The following SVIL variants were observed in gnomAD, a reference collection of about 807,000 sequenced individuals.
SVIL encodes the protein supervillin.
A neutral mutation model predicts 240.4 loss-of-function variants in SVIL; 101 were observed. The observed-to-expected ratio is 0.42, with a 90% CI of 0.36 to 0.50. The LOEUF (loss-of-function observed/expected upper bound fraction) is 0.50, where lower values mean the gene tolerates loss of function less well. Among genes scored for constraint, SVIL ranks in the 20% least tolerant of loss-of-function variants. SVIL has a pLI of 0.01. For synonymous variants in SVIL, 999 were observed against 1,100.0 expected, an observed-to-expected ratio of 0.91 and a Z score of 1.82; for missense variants, 2,512 against 2,818.7, an observed-to-expected ratio of 0.89 and a Z score of 2.46.
At chr10:29,546,759 C>T (rs1251746222) in intron 6 of SVIL, among the ~76,000 whole-genome samples, 3 of 152,018 alleles carry the variant, frequency 2.0e-5, no homozygotes, top group South Asian at 2.1e-4. Context: ...TCATCGTATT[C>T]GTATTTAAAT....
At position 29,583,648 on chromosome 10, in the gene SVIL, C is replaced by G. The variant is rs540849773; in HGVS notation, c.-200-14336G>C. 2.9e-3 allele frequency among the ~76,000 whole-genome samples: 445 copies of G among 152,312 alleles called. 3 individuals carry two copies. Among genetic ancestry groups the G allele is most frequent in the African/African-American group, 0.01 (416 of 41,576 alleles). On this transcript the variant is annotated intron_variant, in intron 1 of 37. Coordinates refer to ENST00000355867, the MANE Select transcript of SVIL (RefSeq NM_021738.3). Reference sequence around the variant, plus strand: ...CCCAAGACCTACCAGTCTTTCAGAACAGGTCCCCAGCCCCTTGCTGATTGA... The same window carrying G: ...CCCAAGACCTACCAGTCTTTCAGAAGAGGTCCCCAGCCCCTTGCTGATTGA...
intron 1 of SVIL, among the ~76,000 whole-genome samples, chr10:29,716,466 G>A (rs904857755): frequency 1.3e-5 from 2 of 152,180 alleles, no homozygotes; most frequent in African/African-American, 4.8e-5. Context: ...AGACAGGAGA[G>A]GAAGGTAAGC....
intron 33 of SVIL, 78 bp downstream of exon 33, chr10:29,467,664 G>C: frequency 6.4e-7 from 1 of 1,572,596 alleles, no homozygotes; most frequent in South Asian, 1.2e-5. Context: ...CTATACTCCA[G>C]CCTGGATAAC....
chr10:29,626,737 G>GA (rs1380340349), intron 1 of SVIL, among the ~76,000 whole-genome samples: 2 of 152,172 alleles, frequency 1.3e-5, no homozygotes, highest in Non-Finnish European at 2.9e-5. Context: ...CCAAAATAAA[G>GA]AATCAGGCTG....
intron 1 of SVIL, among the ~76,000 whole-genome samples, chr10:29,620,314 AAAAGAAAAG>A (rs975278563): frequency 2.6e-5 from 4 of 152,050 alleles, no homozygotes; most frequent in African/African-American, 9.7e-5. Context: ...AAAAGGAAGG[AAAAGAAAAG>A]AAAGAAAAGA....
chr10:29,701,348 C>CA (rs34211711), intron 1 of SVIL, among the ~76,000 whole-genome samples: 69,626 of 151,914 alleles, frequency 0.46, 16,452 homozygotes, highest in East Asian at 0.67. Context: ...GGCCAATACC[C>CA]AAAAAACTCT....
At chr10:29,530,740 A>C (rs965678135) in intron 10 of SVIL, 72 bp from the exon 11 acceptor site, 7 of 1,550,278 alleles carry the variant, frequency 4.5e-6, no homozygotes, top group Non-Finnish European at 6.2e-6. Flanking sequence ...AAAGTCTTTC[A>C]GGGCTGACCT....
intron 2 of SVIL, among the ~76,000 whole-genome samples, chr10:29,673,591 GAGA>G (rs1192649409): frequency 6.7e-6 from 1 of 148,426 alleles, no homozygotes; most frequent in East Asian, 2.1e-4. Context: ...GAGAGAGAGA[GAGA>G]GAGAGAGAGA....
At chr10:29,587,349 C>T (rs1956212980) in intron 1 of SVIL, among the ~76,000 whole-genome samples, 1 of 152,188 alleles carries the variant, frequency 6.6e-6, no homozygotes, top group Admixed American at 6.5e-5. Flanking sequence ...CAGCCAGTCC[C>T]CAGCCACCAG....
intron 17 of SVIL, among the ~76,000 whole-genome samples, chr10:29,501,321 G>A (rs1262548322): frequency 3.3e-5 from 5 of 151,358 alleles, no homozygotes; most frequent in Non-Finnish European, 7.4e-5. Flanking sequence ...GTGGTTATGC[G>A]AGGAAATATC....
intron 2 of SVIL, among the ~76,000 whole-genome samples, chr10:29,672,800 C>T (rs1438024473): frequency 2.6e-5 from 4 of 151,902 alleles, no homozygotes; most frequent in African/African-American, 9.7e-5. Context: ...ACTTATCTTT[C>T]TTTGCATCTA....
At chr10:29,722,574 A>G (rs1210180664) in intron 1 of SVIL, among the ~76,000 whole-genome samples, 1 of 152,226 alleles carries the variant, frequency 6.6e-6, no homozygotes, top group Non-Finnish European at 1.5e-5. Context: ...TTCAGCACCA[A>G]ACCGGCCTTT....
rs752144492 is a variant in SVIL, at chr10:29,526,868, TCAAA to T, written c.2342+89_2342+92del. On this transcript the variant is annotated intron_variant, in intron 13 of 37. Coordinates refer to ENST00000355867, the MANE Select transcript of SVIL (RefSeq NM_021738.3). Reference sequence around the variant, plus strand: ...ACAACTCACGGCATTGACTTGTTTGTCAAACAAACGACAGACATTCAAGACTTTA... The same window carrying T: ...ACAACTCACGGCATTGACTTGTTTGTCAAACGACAGACATTCAAGACTTTA... 2,799 of 1,091,908 alleles carry T rather than the reference TCAAA, an allele frequency of 2.6e-3. 5 individuals carry two copies. The highest frequency in any genetic ancestry group is 3.4e-3 in the Non-Finnish European group (2,657 of 791,998). The allele number at this position is 1,091,908 out of a possible 1,614,324, so 67.6% of individuals were successfully genotyped here. A position where few individuals can be genotyped will look rare whatever the true frequency, so the allele number is the denominator to read the frequency against.
chr10:29,585,776 C>T (rs1051082609), intron 1 of SVIL, among the ~76,000 whole-genome samples: 3 of 152,198 alleles, frequency 2.0e-5, no homozygotes, highest in African/African-American at 4.8e-5. Flanking sequence ...GAACTGAAGC[C>T]GGGGTCCGGA....
chr10:29,535,262 T>C (rs961248194), intron 7 of SVIL, among the ~76,000 whole-genome samples: 10 of 67,026 alleles, frequency 1.5e-4, no homozygotes, highest in African/African-American at 3.8e-4. Flanking sequence ...GATGAGCCAG[T>C]GTTGGAGGTT....
intron 14 of SVIL, 111 bp downstream of exon 14, chr10:29,524,361 C>T: frequency 6.7e-7 from 1 of 1,495,978 alleles, no homozygotes; most frequent in Non-Finnish European, 9.0e-7. Flanking sequence ...CTACAGGTAG[C>T]AGTTTCCTGG....
intron 2 of SVIL, among the ~76,000 whole-genome samples, chr10:29,660,285 G>A (rs1285734111): frequency 6.6e-6 from 1 of 152,028 alleles, no homozygotes; most frequent in African/African-American, 2.4e-5. Flanking sequence ...CTCCAGCTCG[G>A]GCAACAAAGC....
rs565712285 is a variant in SVIL at position 29,490,980 on chromosome 10, C to T, written c.4059G>A (p.Arg1353=). 89 of 1,614,000 alleles carry T rather than the reference C, an allele frequency of 5.5e-5. No individual in the cohort carries two copies. The Admixed American group carries it at 1.4e-3, about 26-fold the overall frequency. Reference sequence around the variant, plus strand: ...TGGAGGCCTGAACCCGGCGCTTGGGCCTAACTGCCCGCTTGTGCTCGGCCA... The same window carrying T: ...TGGAGGCCTGAACCCGGCGCTTGGGTCTAACTGCCCGCTTGTGCTCGGCCA... ...SSVAEHKRAV[R]PKRRVQASKN... The change falls in exon 22 of 38, where the codon AGG becomes AGA. Residue 1353 remains arginine, a synonymous_variant. Transcript: ENST00000355867.
At chr10:29,679,619 G>A (rs1391527539) in intron 2 of SVIL, among the ~76,000 whole-genome samples, 1 of 148,874 alleles carries the variant, frequency 6.7e-6, no homozygotes, top group Admixed American at 6.7e-5. Flanking sequence ...CAGTGGCGCT[G>A]ATCACGGCTC....
Sources: gnomAD v4.1 joint callset for allele counts (sites outside exome capture counted in the v4.1 genomes callset) on GRCh38, gnomAD v4.1.1 for gene constraint, MANE v1.5 for transcripts, NCBI Gene and HGNC (gene_info 2026-07-23, HGNC 2026-07-21) for gene names.